The following KLHL36 variants were observed in gnomAD, a reference collection of about 807,000 sequenced individuals.
KLHL36 encodes the protein kelch-like protein 36.
In KLHL36, 35 loss-of-function variants were observed where a neutral mutation model predicts 53.3. The ratio of observed to expected loss-of-function variants is 0.66; its 90% CI spans 0.50 to 0.87. The LOEUF is 0.87. Among genes scored for constraint, KLHL36 ranks in the 40% least tolerant of loss-of-function variants. KLHL36 has a pLI of 0.00. For synonymous variants in KLHL36, 472 were observed against 398.9 expected, an observed-to-expected ratio of 1.18 and a Z score of -2.18; for missense variants, 864 against 897.6, an observed-to-expected ratio of 0.96 and a Z score of 0.48.
Position 84,664,291 on chromosome 16 carries a change from G to C in KLHL36, c.*2158G>C, listed in dbSNP as rs1208596378. 1 of 152,212 alleles carries C rather than the reference G, an allele frequency of 6.6e-6. No homozygotes were observed. Among genetic ancestry groups the C allele is most frequent in the Non-Finnish European group, 1.5e-5 (1 of 68,072 alleles). The allele number at this position is 152,212 out of a possible 1,614,324, so 9.4% of individuals were successfully genotyped here. ...CTGGGTCATGAACAAACGGGCAGTT[G>C]TTTGGCCTGAATCTCGGGGCAAGTT... On this transcript the variant is annotated 3_prime_UTR_variant, in exon 5 of 5. Transcript: ENST00000564996.
intron 2 of KLHL36, among the ~76,000 whole-genome samples, chr16:84,655,862 T>G (rs186239942): frequency 6.6e-6 from 1 of 152,262 alleles, no homozygotes; most frequent in East Asian, 1.9e-4. Context: ...TGTGATAGTT[T>G]TCAGTTACCT....
At position 84,650,879 on chromosome 16, in the gene KLHL36, A is replaced by G; in HGVS notation, c.12A>G (p.Gly4=). The G allele has an allele frequency of 6.2e-7, 1 of 1,611,402 alleles. No homozygotes were observed. The highest frequency in any genetic ancestry group is 1.1e-5 in the South Asian group (1 of 90,650). ...CTGAAATCTCTTTAATGATGGAGGGAAGCAGGCAGACGCGAGTGTCTCGGC... is the reference window on the plus strand; with the variant it reads ...CTGAAATCTCTTTAATGATGGAGGGGAGCAGGCAGACGCGAGTGTCTCGGC... The part of the protein sequence containing the change: MME[G]SRQTRVSRPY... Residue 4 remains glycine (G), a synonymous_variant, in exon 2 of 5, where the codon GGA becomes GGG. Transcript: ENST00000564996.
rs2150728340 is a variant in KLHL36 at position 84,660,610 on chromosome 16, T to A, written c.1295+693T>A. Among the ~76,000 whole-genome samples, 2 of 152,210 alleles carry A rather than the reference T, an allele frequency of 1.3e-5. 1 individual carries two copies. The highest frequency in any genetic ancestry group is 3.9e-4 in the East Asian group (2 of 5,172). On this transcript the variant is annotated intron_variant, in intron 4 of 4. Coordinates refer to ENST00000564996, the MANE Select transcript of KLHL36 (RefSeq NM_024731.4). ...GGTGTCCGTAAGAGTTAGAAGTGTGTGGGGTAAGCGCTCGTATTTTTGTTT... is the reference window on the plus strand; with the variant it reads ...GGTGTCCGTAAGAGTTAGAAGTGTGAGGGGTAAGCGCTCGTATTTTTGTTT...
chr16:84,662,004 G>A lies in KLHL36; in HGVS notation c.1722G>A (p.Lys574=), dbSNP rs1021204413. The change falls in exon 5 of 5, where the codon AAG becomes AAA. Residue 574 remains lysine (K), a synonymous_variant. Transcript: ENST00000564996. ...AGGTGTACGACCGCGAGGCCGACAA[G>A]TGGAGCAGGGGCGTCGACCTGCCCA... ...TVQVYDREAD[K]WSRGVDLPKA... 1.9e-6 allele frequency: 3 copies of A among 1,593,342 alleles called. No homozygotes were observed. The highest frequency in any genetic ancestry group is 1.1e-5 in the South Asian group (1 of 87,930).
At position 84,663,945 on chromosome 16, in the gene KLHL36, C is replaced by G. The variant is rs1478504278; in HGVS notation, c.*1812C>G. The stretch of plus-strand genomic sequence containing the variant: ...TAGCTAGTTATTTGCATGTGAAGTC[C>G]CTGGAGGCTTACAAACTGTTGAGAG... On this transcript the variant is annotated 3_prime_UTR_variant, in exon 5 of 5. Coordinates refer to ENST00000564996, the MANE Select transcript of KLHL36 (RefSeq NM_024731.4). 1 of 152,092 alleles carries G rather than the reference C, an allele frequency of 6.6e-6. No homozygotes were observed. Among genetic ancestry groups the G allele is most frequent in the Non-Finnish European group, 1.5e-5 (1 of 68,042 alleles). The allele number at this position is 152,092 out of a possible 1,614,324, so 9.4% of individuals were successfully genotyped here.
Position 84,661,510 on chromosome 16 carries a change from C to A in KLHL36, c.1296-68C>A. 6.8e-7 allele frequency: 1 copy of A among 1,469,964 alleles called. No individual in the cohort carries two copies. The highest frequency in any genetic ancestry group is 9.1e-7 in the Non-Finnish European group (1 of 1,092,992). 91.1% of individuals were successfully genotyped at this position (1,469,964 alleles called of 1,614,324 possible). On this transcript the variant is annotated intron_variant, in intron 4 of 4. Transcript: ENST00000564996. The surrounding 1 kb of genome is among the most constrained non-coding windows in gnomAD (Gnocchi z 7.9). ...CCCTCTAAGACGGCAGGCTGTTCCC[C>A]GGCTCGGAGGGGGTAAGCCTGGCAC...
At chr16:84,653,391 T>C (rs554546938) in intron 2 of KLHL36, among the ~76,000 whole-genome samples, 4 of 152,300 alleles carry the variant, frequency 2.6e-5, no homozygotes, top group African/African-American at 9.6e-5. Context: ...ACAAGACTCA[T>C]ATCATCAGAG....
chr16:84,652,471 A>G (rs142389870), intron 2 of KLHL36, among the ~76,000 whole-genome samples: 1,786 of 152,186 alleles, frequency 0.012, 17 homozygotes, highest in Middle Eastern at 0.034. Context: ...GGGTTTCACC[A>G]TGTTGGCCAG....
intron 2 of KLHL36, among the ~76,000 whole-genome samples, 181 bp downstream of exon 2, chr16:84,651,111 A>G (rs1304158938): frequency 6.6e-6 from 1 of 152,162 alleles, no homozygotes; most frequent in Non-Finnish European, 1.5e-5. Flanking sequence ...GACAGTGGGA[A>G]GTATGAGGGA....
chr16:84,655,881 C>T (rs186453171), intron 2 of KLHL36, among the ~76,000 whole-genome samples: 4 of 152,046 alleles, frequency 2.6e-5, no homozygotes, highest in African/African-American at 7.2e-5. Flanking sequence ...CTGTTTCTCC[C>T]TATGTTGAAT....
intron 2 of KLHL36, among the ~76,000 whole-genome samples, chr16:84,654,259 C>G (rs1339397892): frequency 6.6e-6 from 1 of 152,234 alleles, no homozygotes; most frequent in African/African-American, 2.4e-5. Context: ...GACTTGATCA[C>G]CGCCACTGTA....
chr16:84,664,587 T>C lies in KLHL36; in HGVS notation c.*2454T>C, dbSNP rs565747203. 3.3e-5 allele frequency: 5 copies of C among 152,338 alleles called. No individual in the cohort carries two copies. The highest frequency in any genetic ancestry group is 1.2e-4 in the African/African-American group (5 of 41,566). The allele number at this position is 152,338 out of a possible 1,614,324, so 9.4% of individuals were successfully genotyped here. A position where few individuals can be genotyped will look rare whatever the true frequency, so the allele number is the denominator to read the frequency against. On this transcript the variant is annotated 3_prime_UTR_variant, in exon 5 of 5. Coordinates refer to ENST00000564996, the MANE Select transcript of KLHL36 (RefSeq NM_024731.4). Reference sequence around the variant, plus strand: ...AATTGACATGGCTTTGACCCTAATATTACTAAGGTTGGGACCACCCTTTTA... The same window carrying C: ...AATTGACATGGCTTTGACCCTAATACTACTAAGGTTGGGACCACCCTTTTA...
At chr16:84,649,818 G>A (rs952758292) in intron 1 of KLHL36, among the ~76,000 whole-genome samples, 6 of 152,138 alleles carry the variant, frequency 3.9e-5, no homozygotes, top group African/African-American at 1.2e-4. Flanking sequence ...TGTTCAATAG[G>A]TAACAAACTC....
chr16:84,650,752 CTG>C, intron 1 of KLHL36, 98 bp from the exon 2 acceptor site: 1 of 814,652 alleles, frequency 1.2e-6, no homozygotes, highest in Non-Finnish European at 2.0e-6. Context: ...TTCCGTGTGA[CTG>C]TTTTCACTGT....
chr16:84,656,994 C>A lies in KLHL36; in HGVS notation c.187C>A (p.Leu63Met), dbSNP rs778993905. The A allele has an allele frequency of 6.2e-7, 1 of 1,614,024 alleles. No homozygotes were observed. Among genetic ancestry groups the A allele is most frequent in the Admixed American group, 1.7e-5 (1 of 60,018 alleles). Residue 63 changes from leucine (L) to methionine (M), a missense_variant, in exon 3 of 5, where the codon CTG becomes ATG. Physicochemically the swap from Leu to Met is conservative, Grantham distance 15. Transcript: ENST00000564996. ...DEQRVPAHRN[L>M]LAVCSDYFNS... ...GCAGCGTGTGCCAGCCCATCGCAAC[C>A]TGCTGGCCGTGTGCAGCGACTACTT... is the stretch of plus-strand genomic sequence containing the variant.
rs1907303946 is a variant in KLHL36 at position 84,657,697 on chromosome 16, T to G, written c.890T>G (p.Leu297Arg). 1 of 1,612,640 alleles carries G rather than the reference T, an allele frequency of 6.2e-7. No homozygotes were observed. The part of the protein sequence containing the change: ...RTALRTNQER[L>R]LFVGGEVSER... ...GCGCTGCGCACCAACCAGGAGCGCC[T>G]GCTGTTTGTGGGCGGCGAGGTCTCC... The change falls in exon 3 of 5, where the codon CTG becomes CGG. Residue 297 changes from leucine to arginine, a missense_variant. Coordinates refer to ENST00000564996, the MANE Select transcript of KLHL36 (RefSeq NM_024731.4).
At chr16:84,649,862 C>T (rs1416343835) in intron 1 of KLHL36, among the ~76,000 whole-genome samples, 2 of 152,156 alleles carry the variant, frequency 1.3e-5, no homozygotes, top group Admixed American at 1.3e-4. Flanking sequence ...GGAAAAAAAT[C>T]CTCTTTAAAA....
intron 2 of KLHL36, among the ~76,000 whole-genome samples, chr16:84,652,892 G>C (rs190874867): frequency 2.0e-5 from 3 of 152,158 alleles, no homozygotes; most frequent in Non-Finnish European, 4.4e-5. Flanking sequence ...CCCACTGTGT[G>C]GCCACAGTGT....
At position 84,664,265 on chromosome 16, in the gene KLHL36, C is replaced by G. The variant is rs554609932; in HGVS notation, c.*2132C>G. The G allele has an allele frequency of 6.6e-6, 1 of 152,256 alleles. No homozygotes were observed. The highest frequency in any genetic ancestry group is 2.4e-5 in the African/African-American group (1 of 41,540). The allele number at this position is 152,256 out of a possible 1,614,324, so 9.4% of individuals were successfully genotyped here. A position where few individuals can be genotyped will look rare whatever the true frequency, so the allele number is the denominator to read the frequency against. ...ACGTGGGCTGTTCTCCCCATCTCAG[C>G]CTGGGTCATGAACAAACGGGCAGTT... On this transcript the variant is annotated 3_prime_UTR_variant, in exon 5 of 5. Transcript: ENST00000564996.
Sources: allele counts gnomAD v4.1 joint callset (sites outside exome capture counted in the v4.1 genomes callset), GRCh38; gene constraint gnomAD v4.1.1; non-coding constraint Gnocchi (gnomAD v3.1); transcripts MANE v1.5; gene names NCBI Gene and HGNC (gene_info 2026-07-23, HGNC 2026-07-21).